TRHDE: variants seen among roughly 807,000 people sequenced by gnomAD.
TRHDE encodes thyrotropin releasing hormone degrading enzyme, also known as thyrotropin-releasing hormone-degrading ectoenzyme.
A neutral mutation model predicts 125.7 loss-of-function variants in TRHDE; 72 were observed. The ratio of observed to expected loss-of-function variants is 0.57; its 90% confidence interval spans 0.47 to 0.70. TRHDE has a LOEUF of 0.70. Ranked by LOEUF, TRHDE falls within the 30% of genes least tolerant of loss-of-function variation. The pLI, the probability that TRHDE is intolerant of heterozygous loss-of-function variation, is 0.00. For missense variants in TRHDE, 1,110 were observed against 1,327.1 expected, an observed-to-expected ratio of 0.84 and a Z score of 2.54; for synonymous variants, 509 against 509.1, an observed-to-expected ratio of 1.00 and a Z score of 0.00.
chr12:72,524,409 C>T (rs1467221352), intron 6 of TRHDE, among the ~76,000 whole-genome samples: 3 of 152,070 alleles, frequency 2.0e-5, no homozygotes, highest in Admixed American at 2.0e-4. Flanking sequence ...AAGCCCATGC[C>T]CTAGACAAGA....
intron 2 of TRHDE, among the ~76,000 whole-genome samples, chr12:72,205,810 C>T (rs1022159473): frequency 2.6e-5 from 4 of 152,116 alleles, no homozygotes; most frequent in Non-Finnish European, 5.9e-5. Context: ...CTACAATGAA[C>T]GTGGATGTTC....
At chr12:72,190,776 G>C (rs1877322401) in intron 2 of TRHDE, among the ~76,000 whole-genome samples, 1 of 152,198 alleles carries the variant, frequency 6.6e-6, no homozygotes, top group Non-Finnish European at 1.5e-5. Context: ...CGTGGTGGCA[G>C]GGATGAAAGT....
intron 2 of TRHDE, among the ~76,000 whole-genome samples, chr12:72,356,264 A>G (rs967377188): frequency 6.6e-6 from 1 of 151,760 alleles, no homozygotes; most frequent in Non-Finnish European, 1.5e-5. Context: ...GGAGGCCATC[A>G]TCTTTAGCAA....
chr12:72,581,591 A>G (rs1301736312), intron 12 of TRHDE, among the ~76,000 whole-genome samples: 20 of 152,210 alleles, frequency 1.3e-4, no homozygotes, highest in Non-Finnish European at 2.5e-4. Context: ...TTTTAATATC[A>G]TAACATACTT....
intron 1 of TRHDE, among the ~76,000 whole-genome samples, chr12:72,283,652 AAAGAGATTGCACT>A (rs1879775432): frequency 6.6e-6 from 1 of 152,150 alleles, no homozygotes. Context: ...GGTAAGGCAA[AAAGAGATTGCACT>A]ATGTTTTTTC....
At chr12:72,579,946 C>G (rs1199255420) in intron 12 of TRHDE, among the ~76,000 whole-genome samples, 2 of 151,864 alleles carry the variant, frequency 1.3e-5, no homozygotes, top group African/African-American at 4.8e-5. Flanking sequence ...CTTTTTTGCA[C>G]CATCATATTG....
intron 12 of TRHDE, among the ~76,000 whole-genome samples, chr12:72,589,150 C>T (rs1871565900): frequency 1.3e-5 from 2 of 152,142 alleles, no homozygotes; most frequent in Non-Finnish European, 2.9e-5. Context: ...CTGGTAGCCT[C>T]TGGAGTGACA....
At chr12:72,347,311 T>C (rs1870368747) in intron 2 of TRHDE, among the ~76,000 whole-genome samples, 1 of 152,110 alleles carries the variant, frequency 6.6e-6, no homozygotes, top group Non-Finnish European at 1.5e-5. Flanking sequence ...GAGACAAGGA[T>C]CTTTGCATTC....
chr12:72,594,647 G>A (rs1047828249), intron 12 of TRHDE, among the ~76,000 whole-genome samples: 2 of 151,546 alleles, frequency 1.3e-5, no homozygotes, highest in Non-Finnish European at 2.9e-5. Flanking sequence ...ATTTTATAAG[G>A]CAGTTTCATG....
chr12:72,216,794 C>T (rs1452207655), intron 2 of TRHDE, among the ~76,000 whole-genome samples: 2 of 152,040 alleles, frequency 1.3e-5, no homozygotes, highest in Non-Finnish European at 2.9e-5. Context: ...GCATTCATTT[C>T]ACTTCAGAAA....
intron 12 of TRHDE, among the ~76,000 whole-genome samples, chr12:72,603,999 G>A (rs7969680): frequency 0.41 from 61,570 of 151,960 alleles, 14,557 homozygotes; most frequent in African/African-American, 0.65. Context: ...TCCTTTGGCT[G>A]CTAAAGGATA....
intron 1 of TRHDE, among the ~76,000 whole-genome samples, chr12:72,096,138 C>CACAA (rs1473786126): frequency 1.3e-5 from 2 of 150,412 alleles, no homozygotes; most frequent in East Asian, 3.9e-4. Context: ...TGTGTATACA[C>CACAA]ACACACACAC....
intron 3 of TRHDE, among the ~76,000 whole-genome samples, chr12:72,464,072 A>G (rs1277938128): frequency 6.6e-6 from 1 of 152,180 alleles, no homozygotes; most frequent in Non-Finnish European, 1.5e-5. Context: ...ATGTACTATT[A>G]AGCCAGATTA....
intron 2 of TRHDE, among the ~76,000 whole-genome samples, chr12:72,242,894 T>C (rs1207853654): frequency 1.3e-5 from 2 of 152,162 alleles, no homozygotes; most frequent in African/African-American, 2.4e-5. Context: ...CACTTCTTGA[T>C]GGTGATTAGC....
chr12:72,275,478 A>T lies in TRHDE; in HGVS notation c.914+1921A>T, dbSNP rs189497202. On this transcript the variant is annotated intron_variant, in intron 1 of 18. Transcript: ENST00000261180. Reference sequence around the variant, plus strand: ...CAACATGTTCTAAAGAATACAGATTAAAAATATTTTTTAAACCCAGAATTA... The same window carrying T: ...CAACATGTTCTAAAGAATACAGATTTAAAATATTTTTTAAACCCAGAATTA... Among the ~76,000 whole-genome samples the T allele has an allele frequency of 9.3e-3, 1,413 of 152,320 alleles. 23 individuals carry two copies. Among genetic ancestry groups the T allele is most frequent in the African/African-American group, 0.033 (1,351 of 41,568 alleles).
intron 3 of TRHDE, among the ~76,000 whole-genome samples, chr12:72,407,466 A>G (rs1441931516): frequency 6.6e-6 from 1 of 152,188 alleles, no homozygotes; most frequent in Non-Finnish European, 1.5e-5. Flanking sequence ...GCTAGTGTGG[A>G]GTCATTTTAG....
At chr12:72,380,263 G>A (rs1208881409) in intron 3 of TRHDE, among the ~76,000 whole-genome samples, 3 of 152,114 alleles carry the variant, frequency 2.0e-5, no homozygotes, top group Admixed American at 2.0e-4. Flanking sequence ...AATGAACAAG[G>A]CAAAAATCTC....
intron 2 of TRHDE, among the ~76,000 whole-genome samples, chr12:72,127,311 T>C (rs1875739732): frequency 6.6e-6 from 1 of 152,196 alleles, no homozygotes; most frequent in South Asian, 2.1e-4. Flanking sequence ...AGAACAACCA[T>C]TTGGCTCAGC....
chr12:72,603,461 C>G (rs573384124), intron 12 of TRHDE, among the ~76,000 whole-genome samples: 1 of 152,076 alleles, frequency 6.6e-6, no homozygotes, highest in Non-Finnish European at 1.5e-5. Flanking sequence ...CGCGGTGTCT[C>G]AAGCCTGTAA....
Sources: allele counts gnomAD v4.1 joint callset (sites outside exome capture counted in the v4.1 genomes callset), GRCh38; gene constraint gnomAD v4.1.1; transcripts MANE v1.5; gene names NCBI Gene and HGNC (gene_info 2026-07-23, HGNC 2026-07-21).